The following MAF variants were observed in gnomAD, a reference collection of about 807,000 sequenced individuals.
MAF encodes the protein transcription factor Maf.
In MAF, 10 loss-of-function variants were observed where a neutral mutation model predicts 22.0. The observed-to-expected ratio is 0.45, with a 90% CI of 0.28 to 0.77. The LOEUF is 0.77. Ranked by LOEUF, MAF falls within the 30% of genes least tolerant of loss-of-function variation. The probability of loss-of-function intolerance (pLI) is 0.12; values close to 1 mark genes in which losing one functional copy is unlikely to be tolerated. For missense variants in MAF, 544 were observed against 548.4 expected (o/e 0.99, Z 0.08); for synonymous variants, 337 against 255.8 (o/e 1.32, Z -3.03).
the MAF span, among the ~76,000 whole-genome samples, chr16:79,224,353 C>T: frequency 5.3e-5 from 8 of 152,186 alleles, no homozygotes; most frequent in African/African-American, 1.7e-4. Flanking sequence ...ATTGATGGAA[C>T]GTATCTCAAA....
intron 1 of MAF, chr16:79,598,427 G>C: frequency 2.6e-6 from 2 of 765,938 alleles, no homozygotes; most frequent in East Asian, 5.6e-5. Flanking sequence ...TGAACATTGT[G>C]CAAGTCCGGG....
the MAF span, chr16:79,211,527 A>G: frequency 3.2e-6 from 5 of 1,575,740 alleles, no homozygotes; most frequent in East Asian, 4.5e-5. Context: ...GAGGCCTGCT[A>G]ATGCCCAGGC....
chr16:79,585,552 T>A (rs535351889), downstream of MAF, among the ~76,000 whole-genome samples: 14 of 152,152 alleles, frequency 9.2e-5, no homozygotes, highest in African/African-American at 2.9e-4. Context: ...TAGACTCACG[T>A]TGGATAAAGC....
chr16:79,271,104 C>T, the MAF span, among the ~76,000 whole-genome samples: 27 of 143,610 alleles, frequency 1.9e-4, no homozygotes, highest in African/African-American at 5.0e-4. Context: ...TTAGTAGAGA[C>T]GGGGTTTCGC....
the MAF span, among the ~76,000 whole-genome samples, chr16:79,353,493 A>C: frequency 1.3e-5 from 2 of 152,182 alleles, no homozygotes; most frequent in Non-Finnish European, 2.9e-5. Flanking sequence ...CACACACTTG[A>C]TGGCATGAAG....
chr16:79,575,944 G>T, the MAF span, among the ~76,000 whole-genome samples: 19 of 152,110 alleles, frequency 1.2e-4, 1 homozygote, highest in African/African-American at 4.6e-4. Flanking sequence ...TTTTCTACAA[G>T]AACAGAGAGT....
chr16:79,541,263 T>C, the MAF span, among the ~76,000 whole-genome samples: 4 of 152,194 alleles, frequency 2.6e-5, no homozygotes, highest in African/African-American at 9.6e-5. Flanking sequence ...CATTCCAGAT[T>C]TAAGGGAAAT....
the MAF span, among the ~76,000 whole-genome samples, chr16:79,321,727 T>C: frequency 7.1e-6 from 1 of 140,334 alleles, no homozygotes; most frequent in Non-Finnish European, 1.5e-5. Context: ...CTCAGCTCAC[T>C]GCAAGCTCTG....
chr16:79,290,992 C>A, the MAF span, among the ~76,000 whole-genome samples: 1 of 152,038 alleles, frequency 6.6e-6, no homozygotes, highest in South Asian at 2.1e-4. Flanking sequence ...AATCGAGGAC[C>A]ATGGGGAAGA....
the MAF span, among the ~76,000 whole-genome samples, chr16:79,420,820 A>G: frequency 9.2e-5 from 14 of 152,332 alleles, no homozygotes; most frequent in African/African-American, 3.1e-4. Flanking sequence ...ACCTGAGGTC[A>G]GGAGTTCAAG....
At chr16:79,376,571 C>G in the MAF span, among the ~76,000 whole-genome samples, 1 of 151,844 alleles carries the variant, frequency 6.6e-6, no homozygotes, top group Non-Finnish European at 1.5e-5. Context: ...TACATGTGCA[C>G]GACGTGCAGG....
At chr16:79,257,215 G>A in the MAF span, among the ~76,000 whole-genome samples, 7 of 152,004 alleles carry the variant, frequency 4.6e-5, no homozygotes, top group Admixed American at 2.0e-4. Flanking sequence ...AAGAGTGTAT[G>A]TAAAAACTGG....
At chr16:79,483,917 C>A in the MAF span, among the ~76,000 whole-genome samples, 2 of 152,166 alleles carry the variant, frequency 1.3e-5, no homozygotes, top group East Asian at 3.9e-4. Context: ...TCCTGAGAGG[C>A]AAGGCAGGAA....
chr16:79,583,091 C>A (rs975250967), downstream of MAF, among the ~76,000 whole-genome samples: 1 of 152,178 alleles, frequency 6.6e-6, no homozygotes, highest in African/African-American at 2.4e-5. Context: ...AGTAGCTATA[C>A]ACGTTGCGCT....
At chr16:79,433,734 T>A in the MAF span, among the ~76,000 whole-genome samples, 1 of 152,196 alleles carries the variant, frequency 6.6e-6, no homozygotes, top group Non-Finnish European at 1.5e-5. Context: ...ACCTCCTGGA[T>A]GATAGTATCA....
At chr16:79,250,826 C>T in the MAF span, among the ~76,000 whole-genome samples, 63,917 of 151,978 alleles carry the variant, frequency 0.42, 13,961 homozygotes, top group Non-Finnish European at 0.49. Flanking sequence ...GGGGATCAAC[C>T]ATCCCAGTTT....
At chr16:79,326,787 T>C in the MAF span, among the ~76,000 whole-genome samples, 48 of 152,212 alleles carry the variant, frequency 3.2e-4, no homozygotes, top group Non-Finnish European at 7.3e-5. Flanking sequence ...TATCGTTTGC[T>C]GACTCCTGAC....
chr16:79,599,510 G>T lies in MAF; in HGVS notation c.393C>A (p.Tyr131Ter). The T allele has an allele frequency of 6.6e-7, 1 of 1,521,166 alleles. No homozygotes were observed. Among genetic ancestry groups the T allele is most frequent in the Non-Finnish European group, 8.8e-7 (1 of 1,136,092 alleles). 94.2% of individuals were successfully genotyped at this position (1,521,166 alleles called of 1,614,324 possible). The change falls in exon 1 of 2, where the codon TAC becomes TAA. Residue 131 changes from tyrosine (Y) to a stop codon, truncating the protein, a stop_gained. Transcript: ENST00000326043. LOFTEE classifies it high-confidence loss of function. ...SHQLQGGFDG[Y>*]ARGAQQLAAA... ...CGGCCAGCTGCTGCGCCCCGCGCGCGTAGCCATCGAAGCCGCCCTGGAGCT... is the reference window on the plus strand; with the variant it reads ...CGGCCAGCTGCTGCGCCCCGCGCGCTTAGCCATCGAAGCCGCCCTGGAGCT...
the MAF span, among the ~76,000 whole-genome samples, chr16:79,459,920 G>A: frequency 3.3e-5 from 5 of 152,140 alleles, no homozygotes; most frequent in African/African-American, 9.7e-5. Context: ...ATATCTGTGA[G>A]CACTTGGATG....
Sources: gnomAD v4.1 joint callset for allele counts (sites outside exome capture counted in the v4.1 genomes callset) on GRCh38, gnomAD v4.1.1 for gene constraint, MANE v1.5 for transcripts, NCBI Gene and HGNC (gene_info 2026-07-23, HGNC 2026-07-21) for gene names.